The following PACRG variants were observed in gnomAD, a reference collection of about 807,000 sequenced individuals.
PACRG encodes parkin coregulated.
Under a neutral mutation model 29.7 loss-of-function variants are expected in PACRG, and 29 were observed. The ratio of observed to expected loss-of-function variants is 0.98; its 90% CI spans 0.73 to 1.33. The LOEUF is 1.33. PACRG is among the 40% of genes most tolerant of loss of function. The probability of loss-of-function intolerance (pLI) is 0.00; values close to 1 mark genes in which losing one functional copy is unlikely to be tolerated. For synonymous variants in PACRG, 116 were observed against 118.7 expected, an observed-to-expected ratio of 0.98 and a Z score of 0.15; for missense variants, 279 against 316.2, an observed-to-expected ratio of 0.88 and a Z score of 0.89.
At position 163,055,130 on chromosome 6, in the gene PACRG, G is replaced by A. The variant is rs1810442533; in HGVS notation, c.292-7020G>A. On this transcript the variant is annotated intron_variant, in intron 2 of 4. Coordinates refer to ENST00000366888, the MANE Select transcript of PACRG (RefSeq NM_001080379.2). This position sits in a 1 kb window ranked among gnomAD's most constrained non-coding sequence, Gnocchi z 4.0. ...AGAGGGAACGGGAATGAGGAAGCAA[G>A]GACAGTGATGATAAAGAATTCTCTT... Among the ~76,000 whole-genome samples, 2 of 152,256 alleles carry A rather than the reference G, an allele frequency of 1.3e-5. No homozygotes were observed. Among genetic ancestry groups the A allele is most frequent in the African/African-American group, 4.8e-5 (2 of 41,540 alleles).
intron 2 of PACRG, among the ~76,000 whole-genome samples, chr6:163,033,465 A>G (rs1420839914): frequency 6.6e-6 from 1 of 152,270 alleles, no homozygotes; most frequent in Non-Finnish European, 1.5e-5. Context: ...CCAAATATTT[A>G]TAGTTCTGAA....
intron 4 of PACRG, among the ~76,000 whole-genome samples, chr6:163,105,049 C>T (rs1053331832): frequency 6.6e-6 from 1 of 152,028 alleles, no homozygotes; most frequent in Non-Finnish European, 1.5e-5. Flanking sequence ...TGAAAATCAG[C>T]CTACATTTTC....
intron 4 of PACRG, among the ~76,000 whole-genome samples, chr6:163,097,258 G>T (rs994403910): frequency 1.2e-4 from 18 of 152,220 alleles, no homozygotes; most frequent in Non-Finnish European, 1.9e-4. Context: ...CATTTCACCA[G>T]CATCTGGCTT....
chr6:162,985,329 C>A (rs908232125), intron 2 of PACRG, among the ~76,000 whole-genome samples: 2 of 151,910 alleles, frequency 1.3e-5, no homozygotes, highest in African/African-American at 4.8e-5. Context: ...GAAATGAATC[C>A]AACAGCATAT....
At position 163,315,018 on chromosome 6, in the gene PACRG, C is replaced by G. The variant is rs774692295; in HGVS notation, c.*31C>G. 7 of 1,603,960 alleles carry G rather than the reference C, an allele frequency of 4.4e-6. No homozygotes were observed. Among genetic ancestry groups the G allele is most frequent in the Non-Finnish European group, 6.0e-6 (7 of 1,173,342 alleles). ...GCAGCAGCTGGGACTTGAAACCTCC[C>G]GTTGGTGTTGGGATCATCTGTCTCT... On this transcript the variant is annotated 3_prime_UTR_variant, in exon 5 of 5. Transcript: ENST00000366888.
At chr6:163,203,142 TGTAATCCCAGCA>T (rs376070690) in intron 4 of PACRG, among the ~76,000 whole-genome samples, 160 of 152,182 alleles carry the variant, frequency 1.1e-3, no homozygotes, top group African/African-American at 3.5e-3. Context: ...GGCTCACACC[TGTAATCCCAGCA>T]GTAATCCCAG....
At chr6:163,061,586 T>A (rs921708736) in intron 2 of PACRG, among the ~76,000 whole-genome samples, 2 of 152,142 alleles carry the variant, frequency 1.3e-5, no homozygotes, top group East Asian at 3.9e-4. Flanking sequence ...CCTCTCCATT[T>A]CTTCTTGATG....
intron 2 of PACRG, among the ~76,000 whole-genome samples, chr6:162,863,707 G>A (rs74738742): frequency 0.013 from 2,044 of 152,196 alleles, 40 homozygotes; most frequent in African/African-American, 0.041. Context: ...CTTCAATGTC[G>A]TATGTATGTA....
intron 2 of PACRG, among the ~76,000 whole-genome samples, chr6:162,901,442 T>G (rs182165166): frequency 2.6e-5 from 4 of 152,316 alleles, no homozygotes; most frequent in Admixed American, 2.0e-4. Context: ...AGAAGTTGGG[T>G]GCAGTGACTT....
At chr6:163,117,888 G>T (rs538194176) in intron 4 of PACRG, among the ~76,000 whole-genome samples, 24 of 152,274 alleles carry the variant, frequency 1.6e-4, no homozygotes, top group African/African-American at 5.8e-4. Context: ...TGATGTTCAT[G>T]CTTGTTGTCT....
chr6:162,966,981 A>T (rs1414997066), intron 2 of PACRG, among the ~76,000 whole-genome samples: 2 of 152,232 alleles, frequency 1.3e-5, no homozygotes, highest in African/African-American at 4.8e-5. Context: ...AAATAAATAT[A>T]AAACCGTACA....
rs1432183141 is a variant in PACRG at position 163,135,422 on chromosome 6, C to T, written c.613+46014C>T. Among the ~76,000 whole-genome samples, 4 of 152,280 alleles carry T rather than the reference C, an allele frequency of 2.6e-5. No individual in the cohort carries two copies. The South Asian group carries it at 6.2e-4, about 24-fold the overall frequency. On this transcript the variant is annotated intron_variant, in intron 4 of 4. Transcript: ENST00000366888. ...CAGGCTGATCTTGAGCTCCTGACCTCGTGATCCACCTGCCTTGGTGTCCCA... is the reference window on the plus strand; with the variant it reads ...CAGGCTGATCTTGAGCTCCTGACCTTGTGATCCACCTGCCTTGGTGTCCCA...
chr6:162,873,825 T>C (rs1007121226), intron 2 of PACRG, among the ~76,000 whole-genome samples: 7 of 152,280 alleles, frequency 4.6e-5, no homozygotes, highest in Non-Finnish European at 8.8e-5. Flanking sequence ...ACACTAGGCA[T>C]GAAAAGAAAA....
intron 1 of PACRG, among the ~76,000 whole-genome samples, chr6:162,787,588 A>ATC (rs1562596443): frequency 1.2e-5 from 1 of 80,522 alleles, no homozygotes; most frequent in Non-Finnish European, 2.8e-5. Context: ...GTGTGTATAT[A>ATC]TATATATATA....
chr6:163,260,821 C>T (rs1279138216), intron 4 of PACRG, among the ~76,000 whole-genome samples: 2 of 152,226 alleles, frequency 1.3e-5, no homozygotes, highest in Non-Finnish European at 2.9e-5. Flanking sequence ...AACGCTGCTG[C>T]TTAACCCTTC....
intron 4 of PACRG, among the ~76,000 whole-genome samples, chr6:163,306,131 A>G (rs745781229): frequency 6.6e-6 from 1 of 152,246 alleles, no homozygotes; most frequent in Non-Finnish European, 1.5e-5. Context: ...TAATAATAGT[A>G]TTTAGCTCAT....
At chr6:163,014,466 C>T (rs964371371) in intron 2 of PACRG, among the ~76,000 whole-genome samples, 1 of 151,956 alleles carries the variant, frequency 6.6e-6, no homozygotes, top group Non-Finnish European at 1.5e-5. Context: ...AATTTACATT[C>T]TCACCAACAG....
chr6:162,932,564 T>C (rs998967562), intron 2 of PACRG, among the ~76,000 whole-genome samples: 6 of 152,186 alleles, frequency 3.9e-5, no homozygotes, highest in African/African-American at 1.4e-4. Context: ...TTTTGTTACT[T>C]ACTATTGGTT....
chr6:163,141,983 A>G (rs1466664495), intron 4 of PACRG, among the ~76,000 whole-genome samples: 1 of 152,132 alleles, frequency 6.6e-6, no homozygotes, highest in Non-Finnish European at 1.5e-5. Context: ...AACATTTACA[A>G]AATTGACCAT....
Sources: gnomAD v4.1 joint callset for allele counts (sites outside exome capture counted in the v4.1 genomes callset) on GRCh38, gnomAD v4.1.1 for gene constraint, Gnocchi (gnomAD v3.1) non-coding constraint, MANE v1.5 for transcripts, NCBI Gene and HGNC (gene_info 2026-07-23, HGNC 2026-07-21) for gene names.